The following PABIR3 variants were observed in gnomAD, a reference collection of about 807,000 sequenced individuals.
PABIR3 encodes PABIR family member 1.
In PABIR3, 20 loss-of-function variants were observed where a neutral mutation model predicts 23.1. That is an observed-to-expected ratio of 0.86 (90% CI 0.61 to 1.26). The LOEUF (loss-of-function observed/expected upper bound fraction) is 1.26. Among genes scored for constraint, PABIR3 ranks in the 50% most tolerant of loss-of-function variants. PABIR3 has a pLI of 0.00. For synonymous variants in PABIR3, 69 were observed against 68.5 expected, an observed-to-expected ratio of 1.01 and a Z score of -0.04; for missense variants, 189 against 195.4, an observed-to-expected ratio of 0.97 and a Z score of 0.20.
intron 4 of PABIR3, 58 bp downstream of exon 4, chrX:134,829,340 T>C: frequency 1.0e-6 from 1 of 955,483 alleles, no homozygotes; most frequent in Non-Finnish European, 1.5e-6. Flanking sequence ...TTTATTTTTC[T>C]TTGTGAAAAT....
chrX:134,819,883 TCAAAAA>T (rs1018792657), intron 3 of PABIR3, among the ~76,000 whole-genome samples: 1 of 111,122 alleles, frequency 9.0e-6, no homozygotes, highest in Non-Finnish European at 1.9e-5. Flanking sequence ...AGACTCTGTC[TCAAAAA>T]CAAAAACAAA....
At chrX:134,813,223 G>C (rs750891261) in intron 2 of PABIR3, among the ~76,000 whole-genome samples, 1 of 112,155 alleles carries the variant, frequency 8.9e-6, no homozygotes. Context: ...GGATGGCTTT[G>C]AATGTCATAG....
chrX:134,857,993 A>G (rs2082757776), downstream of PABIR3, among the ~76,000 whole-genome samples: 1 of 111,614 alleles, frequency 9.0e-6, no homozygotes, highest in Non-Finnish European at 1.9e-5. Context: ...ATAACTAAAT[A>G]CAAAAATAAT....
the PABIR3 span, among the ~76,000 whole-genome samples, chrX:134,861,041 C>G: frequency 8.9e-6 from 1 of 111,803 alleles, no homozygotes; most frequent in Middle Eastern, 4.6e-3. Context: ...CTTTGGGAGG[C>G]TGAGGCGGGC....
At chrX:134,849,146 A>T (rs1229507353) in intron 8 of PABIR3, 21 bp from the exon 9 acceptor site, 1 of 888,048 alleles carries the variant, frequency 1.1e-6, no homozygotes, top group Non-Finnish European at 1.5e-6. Context: ...TCTTATAATG[A>T]TCATGATGAT....
At chrX:134,834,049 G>A (rs1228237566) in intron 4 of PABIR3, 1 of 111,677 alleles carries the variant, frequency 9.0e-6, no homozygotes, top group Non-Finnish European at 1.9e-5. Flanking sequence ...GGGATTTCTG[G>A]GTCAAATGAT....
chrX:134,851,371 A>G (rs1160513154), intron 9 of PABIR3, among the ~76,000 whole-genome samples: 3 of 110,351 alleles, frequency 2.7e-5, no homozygotes, highest in Middle Eastern at 4.6e-3. Flanking sequence ...CCCTGTCTCT[A>G]CTAAAAATAC....
intron 4 of PABIR3, among the ~76,000 whole-genome samples, chrX:134,844,906 A>C (rs2082382772): frequency 8.9e-6 from 1 of 112,104 alleles, no homozygotes; most frequent in Non-Finnish European, 1.9e-5. Context: ...GTTTAGGGAA[A>C]ACTGTATAAT....
At chrX:134,855,696 AC>A (rs1185285138), downstream of PABIR3, among the ~76,000 whole-genome samples, 9 of 111,464 alleles carry the variant, frequency 8.1e-5, no homozygotes. Flanking sequence ...TTTGACAGTG[AC>A]CCTGATGGAA....
chrX:134,812,130 G>A (rs181259516), intron 2 of PABIR3, among the ~76,000 whole-genome samples: 2 of 112,481 alleles, frequency 1.8e-5, no homozygotes, highest in South Asian at 3.6e-4. Flanking sequence ...TGCTTTTTCC[G>A]AGTTAAAAGT....
At chrX:134,803,270 A>G, upstream of PABIR3, among the ~76,000 whole-genome samples, 1 of 111,567 alleles carries the variant, frequency 9.0e-6, no homozygotes, top group East Asian at 2.8e-4. Context: ...CACATGTGGA[A>G]GGAGGTCTTT....
intron 4 of PABIR3, among the ~76,000 whole-genome samples, chrX:134,844,895 A>C (rs1157872476): frequency 9.8e-5 from 11 of 112,281 alleles, no homozygotes; most frequent in Non-Finnish European, 2.1e-4. Context: ...ACCTTTAAAA[A>C]GTTTAGGGAA....
upstream of PABIR3, chrX:134,807,208 A>G: frequency 1.2e-6 from 1 of 825,102 alleles, no homozygotes; most frequent in Non-Finnish European, 1.5e-6. Context: ...GACCCAACTG[A>G]TTGTCAAAGG....
chrX:134,818,760 A>G (rs1405301270), intron 3 of PABIR3, among the ~76,000 whole-genome samples: 1 of 110,786 alleles, frequency 9.0e-6, no homozygotes, highest in Non-Finnish European at 1.9e-5. Context: ...TACCTTGGTC[A>G]GTATGAAGCA....
downstream of PABIR3, among the ~76,000 whole-genome samples, chrX:134,855,788 G>A (rs923708076): frequency 9.0e-6 from 1 of 111,517 alleles, no homozygotes; most frequent in Non-Finnish European, 1.9e-5. Flanking sequence ...AAAATGACTA[G>A]GATCATGATG....
At chrX:134,808,953 T>A (rs1291019517) in intron 2 of PABIR3, among the ~76,000 whole-genome samples, 2 of 111,844 alleles carry the variant, frequency 1.8e-5, no homozygotes, top group Non-Finnish European at 3.8e-5. Context: ...AAATTTTTAC[T>A]CTTTTTATGT....
chrX:134,840,528 C>T (rs1407144611), intron 4 of PABIR3, among the ~76,000 whole-genome samples: 2 of 110,684 alleles, frequency 1.8e-5, no homozygotes, highest in East Asian at 5.7e-4. Flanking sequence ...ACTGTACAGC[C>T]ACCTCATCAT....
chrX:134,847,462 A>G lies in PABIR3; in HGVS notation c.425A>G (p.Lys142Arg), dbSNP rs764943403. ...GTATCCTCAATGGCTTCTTCCATCA[A>G]GAAGACTGGGAAGGTAAGAAAGGAG... ...TPVSSMASSIKKTGKQCFSPS... is the reference protein window; with the variant it reads ...TPVSSMASSIRKTGKQCFSPS... The change falls in exon 7 of 11, where the codon AAG (lysine) becomes AGG (arginine). Residue 142 changes from lysine to arginine, a missense_variant. Physicochemically the swap from Lys to Arg is conservative, Grantham distance 26. Transcript: ENST00000645433. 47 of 1,193,273 alleles carry G rather than the reference A, an allele frequency of 3.9e-5. No homozygotes were observed. The South Asian group carries it at 6.7e-4, about 17-fold the overall frequency.
intron 4 of PABIR3, among the ~76,000 whole-genome samples, chrX:134,843,862 C>T (rs1208334374): frequency 9.2e-6 from 1 of 108,238 alleles, no homozygotes; most frequent in African/African-American, 3.4e-5. Flanking sequence ...CCACCGCGCC[C>T]GGCTTGAAGG....
Sources: allele counts gnomAD v4.1 joint callset (sites outside exome capture counted in the v4.1 genomes callset), GRCh38; gene constraint gnomAD v4.1.1; transcripts MANE v1.5; gene names NCBI Gene and HGNC (gene_info 2026-07-23, HGNC 2026-07-21).